RAB9B: variants seen among roughly 807,000 people sequenced by gnomAD.
RAB9B encodes ras-related protein Rab-9B.
A neutral mutation model predicts 8.9 loss-of-function variants in RAB9B; 1 was observed. The ratio of observed to expected loss-of-function variants is 0.11; its 90% CI spans 0.04 to 0.53. The LOEUF is 0.53. Ranked by LOEUF, RAB9B falls within the 20% of genes least tolerant of loss-of-function variation. The probability of loss-of-function intolerance (pLI) is 0.93; values close to 1 mark genes in which losing one functional copy is unlikely to be tolerated. For missense variants in RAB9B, 82 were observed against 152.9 expected, an observed-to-expected ratio of 0.54 and a Z score of 2.45; for synonymous variants, 63 against 57.0, an observed-to-expected ratio of 1.10 and a Z score of -0.47.
chrX:103,785,534 G>T, the RAB9B span: 1 of 1,093,943 alleles, frequency 9.1e-7, no homozygotes, highest in Non-Finnish European at 1.3e-6. Flanking sequence ...TGAGTGGCAT[G>T]AGCTACCTAC....
chrX:103,808,165 A>G, the RAB9B span, among the ~76,000 whole-genome samples: 2 of 111,969 alleles, frequency 1.8e-5, no homozygotes, highest in East Asian at 5.6e-4. Context: ...TGCTGATGCC[A>G]TGAAGACCAT....
At chrX:103,790,828 G>C in the RAB9B span, 154 of 420,807 alleles carry the variant, frequency 3.7e-4, 1 homozygote, top group African/African-American at 3.6e-3. Flanking sequence ...TGCTAGAAAT[G>C]GGAAATGCCT....
At chrX:103,831,363 A>T (rs2074702917) in intron 1 of RAB9B, among the ~76,000 whole-genome samples, 1 of 106,474 alleles carries the variant, frequency 9.4e-6, no homozygotes, top group Admixed American at 1.0e-4. Context: ...GCCGACTCCA[A>T]ATGCCACAGC....
the RAB9B span, among the ~76,000 whole-genome samples, chrX:103,814,525 G>T: frequency 9.0e-6 from 1 of 111,080 alleles, no homozygotes; most frequent in Non-Finnish European, 1.9e-5. Flanking sequence ...ACAATTTAAA[G>T]AACTAGAAAA....
At chrX:103,810,372 G>A in the RAB9B span, among the ~76,000 whole-genome samples, 9 of 111,627 alleles carry the variant, frequency 8.1e-5, no homozygotes, top group Non-Finnish European at 1.7e-4. Context: ...CTGCCATCTG[G>A]GCTTTGCATC....
intron 2 of RAB9B, 25 bp from the exon 3 acceptor site, chrX:103,825,851 G>A: frequency 9.5e-7 from 1 of 1,051,821 alleles, no homozygotes; most frequent in Non-Finnish European, 1.3e-6. Context: ...AAAAGTAGGA[G>A]GGAAAACAGT....
the RAB9B span, among the ~76,000 whole-genome samples, chrX:103,800,515 C>G: frequency 9.0e-6 from 1 of 111,214 alleles, no homozygotes; most frequent in African/African-American, 3.3e-5. Context: ...TAGGTCTCTT[C>G]TTCCCTCACC....
the RAB9B span, chrX:103,786,147 T>C: frequency 1.8e-6 from 2 of 1,102,504 alleles, no homozygotes; most frequent in African/African-American, 3.7e-5. Flanking sequence ...CCCACCTTTC[T>C]TCTTGTCTAG....
chrX:103,781,306 G>A, the RAB9B span: 1 of 325,818 alleles, frequency 3.1e-6, no homozygotes, highest in East Asian at 9.9e-5. Flanking sequence ...ACCTGGATCT[G>A]TGTAAGTCAC....
chrX:103,809,050 G>A, the RAB9B span, among the ~76,000 whole-genome samples: 1 of 112,409 alleles, frequency 8.9e-6, no homozygotes, highest in Non-Finnish European at 1.9e-5. Context: ...TTTGGAGAAG[G>A]GGATCTTTGG....
intron 1 of RAB9B, among the ~76,000 whole-genome samples, chrX:103,830,648 G>A (rs938135398): frequency 3.6e-5 from 4 of 110,614 alleles, no homozygotes; most frequent in African/African-American, 1.3e-4. Context: ...TGGAGAGTAA[G>A]GTGAATTAGG....
In RAB9B at chrX:103,825,491, A is replaced by G. The variant is rs756133883; in HGVS notation, c.294T>C (p.Leu98=). ...AAATAAATTCTTTCTGCCAGTTACCAAGATTCTCGAAGCTCTGCCGATCAT... is the reference window on the plus strand; with the variant it reads ...AAATAAATTCTTTCTGCCAGTTACCGAGATTCTCGAAGCTCTGCCGATCAT... The part of the protein sequence containing the change: ...SVDDRQSFEN[L]GNWQKEFIYY... Residue 98 remains leucine, a synonymous_variant, in exon 3 of 3, where the codon CTT becomes CTC. Transcript: ENST00000243298. 9.9e-6 allele frequency: 12 copies of G among 1,209,542 alleles called. No homozygotes were observed. The highest frequency in any genetic ancestry group is 3.0e-5 in the East Asian group (1 of 33,767).
At chrX:103,827,514 C>T (rs960113590) in intron 1 of RAB9B, among the ~76,000 whole-genome samples, 6 of 111,758 alleles carry the variant, frequency 5.4e-5, no homozygotes, top group African/African-American at 2.0e-4. Context: ...GTTGTTAGTG[C>T]ACTCACCAGT....
the RAB9B span, among the ~76,000 whole-genome samples, chrX:103,808,170 G>T: frequency 8.9e-6 from 1 of 111,878 alleles, no homozygotes; most frequent in Non-Finnish European, 1.9e-5. Flanking sequence ...ATGCCATGAA[G>T]ACCATGGGCT....
chrX:103,782,764 T>C, the RAB9B span, among the ~76,000 whole-genome samples: 2 of 99,963 alleles, frequency 2.0e-5, no homozygotes, highest in Admixed American at 2.3e-4. Context: ...AAACAAACAG[T>C]CCTGCCATTG....
At chrX:103,817,307 A>C in the RAB9B span, among the ~76,000 whole-genome samples, 1 of 111,187 alleles carries the variant, frequency 9.0e-6, no homozygotes, top group Non-Finnish European at 1.9e-5. Flanking sequence ...GGAAACTATC[A>C]TTCTCAGCAA....
chrX:103,826,790 C>A lies in RAB9B; in HGVS notation c.-43+215G>T, dbSNP rs548192406. Among the ~76,000 whole-genome samples, 23 of 111,355 alleles carry A rather than the reference C, an allele frequency of 2.1e-4. No individual in the cohort carries two copies. In the South Asian group the frequency reaches 8.4e-3, roughly 41 times the overall value. ...ATTGGATGATATTTATACAATAGACCCAAAGGGATGAAAACGAATCACTAA... is the reference window on the plus strand; with the variant it reads ...ATTGGATGATATTTATACAATAGACACAAAGGGATGAAAACGAATCACTAA... On this transcript the variant is annotated intron_variant, in intron 2 of 2. Transcript: ENST00000243298.
chrX:103,789,470 C>A, the RAB9B span: 2 of 817,928 alleles, frequency 2.4e-6, no homozygotes, highest in East Asian at 3.1e-5. Context: ...TTCTGAAAGG[C>A]AAGAAGGTAG....
chrX:103,789,791 T>C, the RAB9B span, among the ~76,000 whole-genome samples: 13 of 111,930 alleles, frequency 1.2e-4, no homozygotes, highest in Non-Finnish European at 2.4e-4. Flanking sequence ...TGGAATTCTA[T>C]ATACTATCAA....
Sources: allele counts gnomAD v4.1 joint callset (sites outside exome capture counted in the v4.1 genomes callset), GRCh38; gene constraint gnomAD v4.1.1; transcripts MANE v1.5; gene names NCBI Gene and HGNC (gene_info 2026-07-23, HGNC 2026-07-21).